Variants in CACNG1 observed in about 807,000 individuals in gnomAD.
CACNG1 encodes voltage-dependent calcium channel gamma-1 subunit.
In CACNG1, 21 loss-of-function variants were observed where a neutral mutation model predicts 22.0. The ratio of observed to expected loss-of-function variants is 0.95; its 90% CI spans 0.68 to 1.37. The LOEUF (loss-of-function observed/expected upper bound fraction) is 1.37, where lower values mean the gene tolerates loss of function less well. Ranked by LOEUF, CACNG1 falls within the 40% of genes most tolerant of loss-of-function variation. The probability of loss-of-function intolerance (pLI) is 0.00; values close to 1 mark genes in which losing one functional copy is unlikely to be tolerated. For missense variants in CACNG1, 291 were observed against 308.6 expected, an observed-to-expected ratio of 0.94 and a Z score of 0.43; for synonymous variants, 127 against 129.2, an observed-to-expected ratio of 0.98 and a Z score of 0.12.
In CACNG1 at chr17:67,054,110, G is replaced by A; in HGVS notation, c.304+40G>A. 1 of 1,526,448 alleles carries A rather than the reference G, an allele frequency of 6.6e-7. No homozygotes were observed. The highest frequency in any genetic ancestry group is 9.1e-7 in the Non-Finnish European group (1 of 1,100,198). The allele number at this position is 1,526,448 out of a possible 1,614,324, so 94.6% of individuals were successfully genotyped here. ...AAAGGGGTCTGGGGTGACAAGAGGG[G>A]ACTTCTGTGTTGTGCACCACTGGGC... On this transcript the variant is annotated intron_variant, in intron 2 of 3. Transcript: ENST00000226021. The surrounding 1 kb of genome is among the most constrained non-coding windows in gnomAD (Gnocchi z 4.6).
intron 1 of CACNG1, among the ~76,000 whole-genome samples, chr17:67,047,212 A>G (rs1465478488): frequency 6.6e-6 from 1 of 152,196 alleles, no homozygotes; most frequent in Non-Finnish European, 1.5e-5. Flanking sequence ...GAAAGACATC[A>G]GGAAAAAAAA....
intron 1 of CACNG1, among the ~76,000 whole-genome samples, chr17:67,048,308 C>CAAAA (rs377751953): frequency 9.1e-6 from 1 of 110,422 alleles, no homozygotes; most frequent in African/African-American, 3.5e-5. Flanking sequence ...CTGTCCCTAC[C>CAAAA]AAAAAAAAAA....
Position 67,055,321 on chromosome 17 carries a change from G to A in CACNG1, c.442+81G>A, listed in dbSNP as rs1355992046. ...TCTCCGCTCCACCCTCATGCCCACC[G>A]CGAGATTTGGGTGAGGGGCATTTCC... On this transcript the variant is annotated intron_variant, in intron 3 of 3. Coordinates refer to ENST00000226021, the MANE Select transcript of CACNG1 (RefSeq NM_000727.4). This position sits in a 1 kb window ranked among gnomAD's most constrained non-coding sequence, Gnocchi z 4.5. The A allele has an allele frequency of 2.4e-5, 36 of 1,483,786 alleles. No homozygotes were observed. The highest frequency in any genetic ancestry group is 3.1e-5 in the Non-Finnish European group (34 of 1,095,496). The allele number at this position is 1,483,786 out of a possible 1,614,324, so 91.9% of individuals were successfully genotyped here. A position where few individuals can be genotyped will look rare whatever the true frequency, so the allele number is the denominator to read the frequency against.
intron 1 of CACNG1, among the ~76,000 whole-genome samples, chr17:67,045,244 G>T (rs2035689543): frequency 6.6e-6 from 1 of 152,224 alleles, no homozygotes; most frequent in Non-Finnish European, 1.5e-5. Context: ...AGGTGGCTCT[G>T]TGTCCTCAGG....
chr17:67,045,524 CTTTT>C (rs71367200), intron 1 of CACNG1, among the ~76,000 whole-genome samples: 1 of 109,700 alleles, frequency 9.1e-6, no homozygotes. Flanking sequence ...CCCCCACCTT[CTTTT>C]TTTTTTTTTT....
Position 67,044,586 on chromosome 17 carries a change from A to G in CACNG1, c.-75A>G. 1.0e-6 allele frequency: 1 copy of G among 961,748 alleles called. No homozygotes were observed. Among genetic ancestry groups the G allele is most frequent in the Non-Finnish European group, 1.6e-6 (1 of 614,698 alleles). 59.6% of individuals were successfully genotyped at this position (961,748 alleles called of 1,614,324 possible). ...GCTCGACAACCACTGCCACCCCCCAAGCTCGGCTTGTCACCTGCCCTAGGA... is the reference window on the plus strand; with the variant it reads ...GCTCGACAACCACTGCCACCCCCCAGGCTCGGCTTGTCACCTGCCCTAGGA... On this transcript the variant is annotated 5_prime_UTR_variant, in exon 1 of 4. Transcript: ENST00000226021. This position sits in a 1 kb window ranked among gnomAD's most constrained non-coding sequence, Gnocchi z 6.9.
Position 67,044,925 on chromosome 17 carries a change from C to T in CACNG1, c.229+36C>T, listed in dbSNP as rs1376151230. The stretch of plus-strand genomic sequence containing the variant: ...CACCCTCCGTCCCGATCCCCACCTC[C>T]TGCTCTTCCCCGTCATCCCCCTGGC... On this transcript the variant is annotated intron_variant, in intron 1 of 3. Transcript: ENST00000226021. This position sits in a 1 kb window ranked among gnomAD's most constrained non-coding sequence, Gnocchi z 6.9. 6.5e-7 allele frequency: 1 copy of T among 1,532,702 alleles called. No individual in the cohort carries two copies. Among genetic ancestry groups the T allele is most frequent in the Non-Finnish European group, 8.9e-7 (1 of 1,117,572 alleles). 94.9% of individuals were successfully genotyped at this position (1,532,702 alleles called of 1,614,324 possible).
At chr17:67,052,164 CG>C (rs971543783) in intron 1 of CACNG1, among the ~76,000 whole-genome samples, 21 of 152,100 alleles carry the variant, frequency 1.4e-4, no homozygotes, top group African/African-American at 5.1e-4. Flanking sequence ...AAAATAGCAC[CG>C]GATGCCCAGA....
chr17:67,045,018 G>T, intron 1 of CACNG1, 129 bp downstream of exon 1: 1 of 718,488 alleles, frequency 1.4e-6, no homozygotes, highest in Non-Finnish European at 2.3e-6. Flanking sequence ...AGCCTTTTCT[G>T]CCCAGGGAAG....
intron 1 of CACNG1, among the ~76,000 whole-genome samples, chr17:67,052,182 A>T (rs1038041546): frequency 6.6e-6 from 1 of 152,244 alleles, no homozygotes; most frequent in East Asian, 1.9e-4. Flanking sequence ...CAGAGAGAAT[A>T]GCAGAGCACC....
chr17:67,052,251 T>A (rs1214193837), intron 1 of CACNG1, among the ~76,000 whole-genome samples: 1 of 152,004 alleles, frequency 6.6e-6, no homozygotes, highest in Non-Finnish European at 1.5e-5. Flanking sequence ...AAAAGGAAAG[T>A]GATTTAAATA....
In CACNG1 at chr17:67,054,394, G is replaced by A. The variant is rs1431645107; in HGVS notation, c.304+324G>A. 6.6e-6 allele frequency among the ~76,000 whole-genome samples: 1 copy of A among 152,166 alleles called. No homozygotes were observed. The highest frequency in any genetic ancestry group is 1.5e-5 in the Non-Finnish European group (1 of 68,026). ...ACAAATGCTCAGAAGCCCCGTGGTG[G>A]CTCTTGGTGGCATGTGATAGTTAGA... On this transcript the variant is annotated intron_variant, in intron 2 of 3. Transcript: ENST00000226021. This position sits in a 1 kb window ranked among gnomAD's most constrained non-coding sequence, Gnocchi z 4.6.
intron 1 of CACNG1, among the ~76,000 whole-genome samples, chr17:67,052,126 C>A (rs963014035): frequency 6.6e-6 from 1 of 152,186 alleles, no homozygotes; most frequent in African/African-American, 2.4e-5. Context: ...AATAATCTAA[C>A]AAATAGAAGA....
In CACNG1 at chr17:67,054,967, GAC is replaced by G; in HGVS notation, c.305-129_305-128del. 5 of 844,880 alleles carry G rather than the reference GAC, an allele frequency of 5.9e-6. No homozygotes were observed. The highest frequency in any genetic ancestry group is 3.7e-5 in the South Asian group (2 of 53,656). 52.3% of individuals were successfully genotyped at this position (844,880 alleles called of 1,614,324 possible). A position where few individuals can be genotyped will look rare whatever the true frequency, so the allele number is the denominator to read the frequency against. Reference sequence around the variant, plus strand: ...ATGACACACACAAGACAGACACAGAGACACACACTTGACACACACACAATGAC... The same window carrying G: ...ATGACACACACAAGACAGACACAGAGACACACTTGACACACACACAATGAC... On this transcript the variant is annotated intron_variant, in intron 2 of 3. Coordinates refer to ENST00000226021, the MANE Select transcript of CACNG1 (RefSeq NM_000727.4). The surrounding 1 kb of genome is among the most constrained non-coding windows in gnomAD (Gnocchi z 4.6).
In CACNG1 at chr17:67,056,538, T is replaced by A; in HGVS notation, c.*267T>A. 1 of 520,224 alleles carries A rather than the reference T, an allele frequency of 1.9e-6. No homozygotes were observed. The highest frequency in any genetic ancestry group is 2.2e-5 in the South Asian group (1 of 45,884). 32.2% of individuals were successfully genotyped at this position (520,224 alleles called of 1,614,324 possible). On this transcript the variant is annotated 3_prime_UTR_variant, in exon 4 of 4. Coordinates refer to ENST00000226021, the MANE Select transcript of CACNG1 (RefSeq NM_000727.4). This position sits in a 1 kb window ranked among gnomAD's most constrained non-coding sequence, Gnocchi z 4.3. ...GGACAGGTGTTTGCAGGGGCCCAACTTCCCCTGGAGCTCAGAGGTGTCCCC... is the reference window on the plus strand; with the variant it reads ...GGACAGGTGTTTGCAGGGGCCCAACATCCCCTGGAGCTCAGAGGTGTCCCC...
rs1203643619 is a variant in CACNG1 at position 67,055,900 on chromosome 17, T to C, written c.443-145T>C. ...TGGTGGGTGGACAAATGGATCCTTCTGCAGGTTCCCATCTAGAACCTGCCT... is the reference window on the plus strand; with the variant it reads ...TGGTGGGTGGACAAATGGATCCTTCCGCAGGTTCCCATCTAGAACCTGCCT... On this transcript the variant is annotated intron_variant, in intron 3 of 3. Transcript: ENST00000226021. The surrounding 1 kb of genome is among the most constrained non-coding windows in gnomAD (Gnocchi z 4.5). The C allele has an allele frequency of 3.1e-6, 2 of 636,056 alleles. No homozygotes were observed. Among genetic ancestry groups the C allele is most frequent in the Non-Finnish European group, 5.5e-6 (2 of 360,882 alleles). 39.4% of individuals were successfully genotyped at this position (636,056 alleles called of 1,614,324 possible). A position where few individuals can be genotyped will look rare whatever the true frequency, so the allele number is the denominator to read the frequency against.
At chr17:67,047,828 A>T (rs4790992) in intron 1 of CACNG1, among the ~76,000 whole-genome samples, 65,111 of 151,746 alleles carry the variant, frequency 0.43, 14,330 homozygotes, top group East Asian at 0.71. Flanking sequence ...GCACAATGCT[A>T]TATGCATGCT....
Position 67,056,194 on chromosome 17 carries a change from G to A in CACNG1, c.592G>A (p.Ala198Thr), listed in dbSNP as rs766783706. ...AFILLFLGGLALLLFSLPRMP... is the reference protein window; with the variant it reads ...AFILLFLGGLTLLLFSLPRMP... ...CATCCTCCTCTTTCTCGGCGGTCTC[G>A]CCCTCCTGCTGTTCTCCCTGCCTCG... is the stretch of plus-strand genomic sequence containing the variant. The change falls in exon 4 of 4, where the codon GCC becomes ACC. Residue 198 changes from alanine (A) to threonine (T), a missense_variant. Ala to Thr is a moderately conservative substitution (Grantham distance 58, BLOSUM62 0). Coordinates refer to ENST00000226021, the MANE Select transcript of CACNG1 (RefSeq NM_000727.4). This position sits in a 1 kb window ranked among gnomAD's most constrained non-coding sequence, Gnocchi z 4.3. 16 of 1,613,600 alleles carry A rather than the reference G, an allele frequency of 9.9e-6. No individual in the cohort carries two copies. Among genetic ancestry groups the A allele is most frequent in the South Asian group, 3.3e-5 (3 of 91,026 alleles).
intron 1 of CACNG1, among the ~76,000 whole-genome samples, chr17:67,046,678 G>T (rs2143407898): frequency 6.6e-6 from 1 of 152,294 alleles, no homozygotes; most frequent in South Asian, 2.1e-4. Flanking sequence ...GCAGGGCAGG[G>T]CAGGGCAAGG....
Sources: gnomAD v4.1 joint callset for allele counts (sites outside exome capture counted in the v4.1 genomes callset) on GRCh38, gnomAD v4.1.1 for gene constraint, Gnocchi (gnomAD v3.1) non-coding constraint, MANE v1.5 for transcripts, NCBI Gene and HGNC (gene_info 2026-07-23, HGNC 2026-07-21) for gene names.